The following EVC2 variants were observed in gnomAD, a reference collection of about 807,000 sequenced individuals.
EVC2 encodes EvC ciliary complex subunit 2, also known as limbin.
EVC2 carries 148 observed loss-of-function variants against 149.3 expected under a neutral mutation model. The ratio of observed to expected loss-of-function variants is 0.99; its 90% confidence interval spans 0.87 to 1.14. EVC2 has a LOEUF of 1.14. EVC2 is among the 50% of genes most tolerant of loss of function. The pLI is 0.00. For missense variants in EVC2, 1,854 were observed against 1,627.3 expected, an observed-to-expected ratio of 1.14 and a Z score of -2.40; for synonymous variants, 776 against 649.9, an observed-to-expected ratio of 1.19 and a Z score of -2.95.
rs1250142596 is a variant in EVC2 at position 5,576,679 on chromosome 4, T to G, written c.3058-225A>C. Reference sequence around the variant, plus strand: ...GCCGTTCCCTCCACCTGCAGTGCCTTTCTCTGTCTGCCTGACCAATCCCCA... The same window carrying G: ...GCCGTTCCCTCCACCTGCAGTGCCTGTCTCTGTCTGCCTGACCAATCCCCA... On this transcript the variant is annotated intron_variant, in intron 17 of 21. Transcript: ENST00000344408. The surrounding 1 kb of genome is among the most constrained non-coding windows in gnomAD (Gnocchi z 4.5). Among the ~76,000 whole-genome samples, 8 of 152,128 alleles carry G rather than the reference T, an allele frequency of 5.3e-5. No homozygotes were observed. The highest frequency in any genetic ancestry group is 2.9e-5 in the Non-Finnish European group (2 of 68,024).
At chr4:5,591,757 T>C (rs1712824048) in intron 16 of EVC2, among the ~76,000 whole-genome samples, 1 of 152,244 alleles carries the variant, frequency 6.6e-6, no homozygotes, top group Non-Finnish European at 1.5e-5. Context: ...TTTAATCCTT[T>C]GTCTAGAAGA....
chr4:5,672,622 A>G, intron 7 of EVC2, among the ~76,000 whole-genome samples: 1 of 152,222 alleles, frequency 6.6e-6, no homozygotes. Context: ...TCTGAGAGGC[A>G]ATAGGTTAAA....
chr4:5,580,885 T>C (rs552644449), intron 17 of EVC2, among the ~76,000 whole-genome samples: 103 of 152,204 alleles, frequency 6.8e-4, no homozygotes, highest in African/African-American at 2.3e-3. Context: ...CCTTCATGAA[T>C]GGTTTAGTGC....
At chr4:5,536,654 G>C in the EVC2 span, among the ~76,000 whole-genome samples, 6 of 151,996 alleles carry the variant, frequency 3.9e-5, no homozygotes, top group Non-Finnish European at 4.4e-5. Context: ...CATGGTGGCG[G>C]GCACCTGTAG....
chr4:5,550,492 A>C (rs1188031506), intron 21 of EVC2, among the ~76,000 whole-genome samples: 2 of 152,200 alleles, frequency 1.3e-5, no homozygotes, highest in South Asian at 2.1e-4. Flanking sequence ...CGGCGGAAGA[A>C]ATTTCTAGCA....
rs758773945 is a variant in EVC2, at chr4:5,584,766, A to T, written c.2914T>A (p.Phe972Ile). 3.7e-5 allele frequency: 59 copies of T among 1,613,976 alleles called. No individual in the cohort carries two copies. The South Asian group carries it at 6.3e-4, about 17-fold the overall frequency. The stretch of plus-strand genomic sequence containing the variant: ...TCGGTCACCCGGGACGCCTTCTGGA[A>T]CTGCAGAGCAACAAGCGACTGTGCA... The part of the protein sequence containing the change: ...GFAQSLVALQ[F>I]QKASRVTETL... Residue 972 changes from phenylalanine to isoleucine, a missense_variant, in exon 17 of 22, where the codon TTC (phenylalanine) becomes ATC (isoleucine). Phe to Ile is a conservative substitution (Grantham distance 21). Transcript: ENST00000344408.
intron 9 of EVC2, among the ~76,000 whole-genome samples, chr4:5,658,582 T>C (rs566520221): frequency 2.0e-5 from 3 of 152,306 alleles, no homozygotes; most frequent in South Asian, 4.1e-4. Flanking sequence ...ATTCTAATAA[T>C]AGAGAAAACA....
chr4:5,562,311 T>C (rs141240847), downstream of EVC2: 67 of 359,388 alleles, frequency 1.9e-4, no homozygotes, highest in Non-Finnish European at 2.4e-4. This position sits in a 1 kb window ranked among gnomAD's most constrained non-coding sequence, Gnocchi z 4.3. Flanking sequence ...GGCTGACACA[T>C]GTTTTGGCAA....
intron 13 of EVC2, among the ~76,000 whole-genome samples, chr4:5,624,456 G>C (rs537077998): frequency 6.6e-6 from 1 of 152,310 alleles, no homozygotes; most frequent in African/African-American, 2.4e-5. Context: ...AATATGTATT[G>C]AGCACCTACC....
intron 9 of EVC2, among the ~76,000 whole-genome samples, chr4:5,652,003 C>T (rs1371947990): frequency 6.6e-6 from 1 of 152,202 alleles, no homozygotes. Context: ...TGACACGGAG[C>T]CTTGCAGGCC....
At chr4:5,582,572 ATT>A (rs1560137990) in intron 17 of EVC2, among the ~76,000 whole-genome samples, 2 of 152,214 alleles carry the variant, frequency 1.3e-5, no homozygotes, top group Non-Finnish European at 1.5e-5. Context: ...TGGACTTATA[ATT>A]GTCTCAGATG....
At chr4:5,634,357 C>T (rs1185725460) in intron 10 of EVC2, among the ~76,000 whole-genome samples, 2 of 152,202 alleles carry the variant, frequency 1.3e-5, no homozygotes, top group African/African-American at 2.4e-5. Flanking sequence ...CATTCCGCTA[C>T]GAATGACTAG....
rs1383803030 is a variant in EVC2 at position 5,708,433 on chromosome 4, G to GC, written c.80dup (p.Arg28ProfsTer28). The GC allele has an allele frequency of 2.7e-6, 4 of 1,503,764 alleles. No homozygotes were observed. The highest frequency in any genetic ancestry group is 2.7e-5 in the East Asian group (1 of 36,778). 93.2% of individuals were successfully genotyped at this position (1,503,764 alleles called of 1,614,324 possible). A position where few individuals can be genotyped will look rare whatever the true frequency, so the allele number is the denominator to read the frequency against. ...GTGAGCTGGCGCCGAGACAGCCTCG[G>GC]CCCCCCAGCGCCAGGGCCACTGCCA... On this transcript the variant is annotated frameshift_variant, in exon 1 of 22. Coordinates refer to ENST00000344408, the MANE Select transcript of EVC2 (RefSeq NM_147127.5). LOFTEE classifies it high-confidence loss of function.
intron 1 of EVC2, among the ~76,000 whole-genome samples, chr4:5,707,757 G>C (rs58160918): frequency 0.14 from 21,699 of 151,992 alleles, 1,698 homozygotes; most frequent in South Asian, 0.2. Flanking sequence ...CATGCCTTTC[G>C]AGTTTAGGAC....
intron 15 of EVC2, 118 bp from the exon 16 acceptor site, chr4:5,615,662 C>G (rs1252035177): frequency 6.9e-7 from 1 of 1,443,742 alleles, no homozygotes; most frequent in African/African-American, 1.4e-5. Flanking sequence ...CTGCAAAACT[C>G]TGCCTTAGGC....
chr4:5,589,401 C>A (rs1490028751), intron 16 of EVC2, among the ~76,000 whole-genome samples: 1 of 152,170 alleles, frequency 6.6e-6, no homozygotes, highest in African/African-American at 2.4e-5. Flanking sequence ...GAGCAATTTT[C>A]TTCCATGGAA....
At chr4:5,533,182 G>C in the EVC2 span, among the ~76,000 whole-genome samples, 1 of 152,036 alleles carries the variant, frequency 6.6e-6, no homozygotes, top group Non-Finnish European at 1.5e-5. Context: ...TCAATGAGGG[G>C]AAAGGGATAT....
chr4:5,562,834 G>T lies in EVC2; in HGVS notation c.*14C>A, dbSNP rs1439307516. 1.9e-6 allele frequency: 3 copies of T among 1,613,374 alleles called. No individual in the cohort carries two copies. The highest frequency in any genetic ancestry group is 2.5e-6 in the Non-Finnish European group (3 of 1,180,046). ...CTTCTCTCTTCAGATGCTCCCGCAG[G>T]TCTTTCCCTTGGGCTAGTCCATGCC... On this transcript the variant is annotated 3_prime_UTR_variant, in exon 22 of 22. Transcript: ENST00000344408. The surrounding 1 kb of genome is among the most constrained non-coding windows in gnomAD (Gnocchi z 4.3).
At chr4:5,690,531 G>GT (rs1560229579) in intron 4 of EVC2, among the ~76,000 whole-genome samples, 1 of 152,038 alleles carries the variant, frequency 6.6e-6, no homozygotes, top group African/African-American at 2.4e-5. Flanking sequence ...TAGAGAACGA[G>GT]TAACTGAGGT....
Sources: gnomAD v4.1 joint callset for allele counts (sites outside exome capture counted in the v4.1 genomes callset) on GRCh38, gnomAD v4.1.1 for gene constraint, Gnocchi (gnomAD v3.1) non-coding constraint, MANE v1.5 for transcripts, NCBI Gene and HGNC (gene_info 2026-07-23, HGNC 2026-07-21) for gene names.